Variants in RAPGEF5 observed in about 807,000 individuals in gnomAD.
RAPGEF5 encodes Rap guanine nucleotide exchange factor 5, also known as M-Ras-regulated GEF.
Under a neutral mutation model 125.2 loss-of-function variants are expected in RAPGEF5, and 65 were observed. That is an observed-to-expected ratio of 0.52 (90% CI 0.43 to 0.64). The LOEUF is 0.64. Among genes scored for constraint, RAPGEF5 ranks in the 30% least tolerant of loss-of-function variants. RAPGEF5 has a pLI of 0.00. For synonymous variants in RAPGEF5, 391 were observed against 385.9 expected, an observed-to-expected ratio of 1.01 and a Z score of -0.16; for missense variants, 958 against 1,048.1, an observed-to-expected ratio of 0.91 and a Z score of 1.19.
chr7:22,254,565 G>A (rs1034456771), intron 7 of RAPGEF5, among the ~76,000 whole-genome samples: 3 of 141,972 alleles, frequency 2.1e-5, no homozygotes, highest in Non-Finnish European at 3.0e-5. Flanking sequence ...CTGAGATCGC[G>A]CCATTGCACT....
At chr7:22,248,905 C>T (rs893070054) in intron 7 of RAPGEF5, among the ~76,000 whole-genome samples, 6 of 152,182 alleles carry the variant, frequency 3.9e-5, no homozygotes, top group African/African-American at 1.4e-4. Context: ...AAATCGGCAA[C>T]ATTTCTAAAT....
intron 25 of RAPGEF5, among the ~76,000 whole-genome samples, chr7:22,123,838 C>T (rs781779379): frequency 2.6e-5 from 4 of 152,184 alleles, no homozygotes; most frequent in Non-Finnish European, 5.9e-5. Flanking sequence ...ATTTTCAAGC[C>T]TTAAAAAGAT....
chr7:22,179,523 T>C (rs1431028042), intron 11 of RAPGEF5, among the ~76,000 whole-genome samples: 1 of 152,138 alleles, frequency 6.6e-6, no homozygotes, highest in African/African-American at 2.4e-5. Context: ...CCAGAGTGAC[T>C]CCATCTTGAA....
intron 23 of RAPGEF5, among the ~76,000 whole-genome samples, chr7:22,131,336 T>C (rs897719650): frequency 2.6e-5 from 4 of 152,222 alleles, no homozygotes; most frequent in Non-Finnish European, 2.9e-5. Flanking sequence ...ACTGAAAGTA[T>C]ATATTTTGCA....
At chr7:22,205,004 T>A (rs1029677511) in intron 9 of RAPGEF5, among the ~76,000 whole-genome samples, 2 of 151,972 alleles carry the variant, frequency 1.3e-5, no homozygotes, top group Non-Finnish European at 2.9e-5. Flanking sequence ...GAGGACAGAC[T>A]GGGGGAACAA....
intron 9 of RAPGEF5, chr7:22,194,876 T>A (rs553759138): frequency 7.9e-6 from 4 of 505,458 alleles, no homozygotes; most frequent in Non-Finnish European, 1.0e-5. Flanking sequence ...GGCCTCCAAC[T>A]CGGAGCCATG....
At chr7:22,221,326 T>C (rs140738014) in intron 8 of RAPGEF5, among the ~76,000 whole-genome samples, 3 of 152,340 alleles carry the variant, frequency 2.0e-5, no homozygotes, top group African/African-American at 7.2e-5. Flanking sequence ...TAGACAAAAC[T>C]GAAACCATTT....
intron 11 of RAPGEF5, among the ~76,000 whole-genome samples, chr7:22,188,565 G>C (rs990230985): frequency 6.6e-6 from 1 of 152,012 alleles, no homozygotes; most frequent in Non-Finnish European, 1.5e-5. Context: ...AAGAGATTGA[G>C]ACCATCCTGG....
chr7:22,305,169 T>C (rs1783307619), intron 5 of RAPGEF5, among the ~76,000 whole-genome samples: 1 of 152,246 alleles, frequency 6.6e-6, no homozygotes, highest in Non-Finnish European at 1.5e-5. Flanking sequence ...ACCCGATCTC[T>C]GTACCTAATT....
intron 9 of RAPGEF5, among the ~76,000 whole-genome samples, chr7:22,207,409 A>G (rs1412028052): frequency 2.6e-5 from 4 of 152,196 alleles, no homozygotes; most frequent in Admixed American, 1.3e-4. Flanking sequence ...AGCTAAGTAA[A>G]GCATGTCATG....
At chr7:22,321,160 G>A (rs1783707878) in intron 1 of RAPGEF5, among the ~76,000 whole-genome samples, 1 of 151,998 alleles carries the variant, frequency 6.6e-6, no homozygotes, top group Non-Finnish European at 1.5e-5. Flanking sequence ...ATGAACCATG[G>A]AAAATGTTTC....
intron 12 of RAPGEF5, among the ~76,000 whole-genome samples, chr7:22,165,532 A>ATAT (rs1377386644): frequency 6.6e-6 from 1 of 152,230 alleles, no homozygotes; most frequent in Non-Finnish European, 1.5e-5. Context: ...AAATCTGCAC[A>ATAT]TATTATTGAA....
chr7:22,348,323 T>G (rs905613230), intron 1 of RAPGEF5, among the ~76,000 whole-genome samples: 3 of 152,224 alleles, frequency 2.0e-5, no homozygotes, highest in African/African-American at 7.2e-5. Context: ...TAAAAGATAC[T>G]GTGTATTCTC....
chr7:22,178,072 G>C (rs1350214325), intron 11 of RAPGEF5, among the ~76,000 whole-genome samples: 1 of 151,964 alleles, frequency 6.6e-6, no homozygotes, highest in Non-Finnish European at 1.5e-5. Context: ...ATAGCAAATA[G>C]ATACGAGATC....
chr7:22,162,420 C>T lies in RAPGEF5; in HGVS notation c.1405G>A (p.Glu469Lys), dbSNP rs1784031715. Residue 469 changes from glutamate to lysine, a missense_variant, in exon 13 of 26, where the codon GAA becomes AAA. Coordinates refer to ENST00000665637, the MANE Select transcript of RAPGEF5 (RefSeq NM_012294.5). Reference sequence around the variant, plus strand: ...ACCTTTAAAAACATTTTTGAATGTTCATCTTCAGGTAACCAGTCTTTGTAC... The same window carrying T: ...ACCTTTAAAAACATTTTTGAATGTTTATCTTCAGGTAACCAGTCTTTGTAC... ...ALYKDWLPED[E>K]HSKMFLKTIY... The T allele has an allele frequency of 1.3e-6, 2 of 1,591,722 alleles. No individual in the cohort carries two copies. The highest frequency in any genetic ancestry group is 1.7e-6 in the Non-Finnish European group (2 of 1,161,058).
rs1472952099 is a variant in RAPGEF5 at position 22,150,395 on chromosome 7, G to A, written c.1884+12C>T. 6.2e-7 allele frequency: 1 copy of A among 1,602,862 alleles called. No homozygotes were observed. On this transcript the variant is annotated intron_variant, in intron 18 of 25. Transcript: ENST00000665637. ...GCCTGTTTGTTTCAAATACAAGGCTGAAGGTCCTTACCAAAGTGTCCGCCA... is the reference window on the plus strand; with the variant it reads ...GCCTGTTTGTTTCAAATACAAGGCTAAAGGTCCTTACCAAAGTGTCCGCCA...
At chr7:22,348,482 G>T (rs1464153562) in intron 1 of RAPGEF5, among the ~76,000 whole-genome samples, 2 of 152,194 alleles carry the variant, frequency 1.3e-5, no homozygotes, top group African/African-American at 4.8e-5. Flanking sequence ...ACCTCTTCCA[G>T]TTTTTCATAC....
chr7:22,121,840 G>A lies in RAPGEF5; in HGVS notation c.*566C>T, dbSNP rs1782590781. ...TTCATCTGCCCATCAGAGCATGGAT[G>A]CTAGCTGCAGTCCTCACTAACTCCC... On this transcript the variant is annotated 3_prime_UTR_variant, in exon 26 of 26. Transcript: ENST00000665637. 6.5e-6 allele frequency: 1 copy of A among 153,786 alleles called. No individual in the cohort carries two copies. Among genetic ancestry groups the A allele is most frequent in the East Asian group, 1.9e-4 (1 of 5,250 alleles). The allele number at this position is 153,786 out of a possible 1,614,324, so 9.5% of individuals were successfully genotyped here.
intron 3 of RAPGEF5, among the ~76,000 whole-genome samples, chr7:22,312,646 T>C (rs1583570991): frequency 6.6e-6 from 1 of 152,210 alleles, no homozygotes; most frequent in South Asian, 2.1e-4. Context: ...TAGAACACAG[T>C]ACTGTCGTAA....
Sources: gnomAD v4.1 joint callset for allele counts (sites outside exome capture counted in the v4.1 genomes callset) on GRCh38, gnomAD v4.1.1 for gene constraint, MANE v1.5 for transcripts, NCBI Gene and HGNC (gene_info 2026-07-23, HGNC 2026-07-21) for gene names.